SLC2A3: variants seen among roughly 807,000 people sequenced by gnomAD.
The protein encoded by SLC2A3 is solute carrier family 2 member 3.
A neutral mutation model predicts 46.4 loss-of-function variants in SLC2A3; 21 were observed. That is an observed-to-expected ratio of 0.45 (90% CI 0.32 to 0.65). SLC2A3 has a LOEUF of 0.65. Ranked by LOEUF, SLC2A3 falls within the 30% of genes least tolerant of loss-of-function variation. The probability of loss-of-function intolerance (pLI) is 0.04; values close to 1 mark genes in which losing one functional copy is unlikely to be tolerated. For synonymous variants in SLC2A3, 213 were observed against 239.4 expected, an observed-to-expected ratio of 0.89 and a Z score of 1.02; for missense variants, 499 against 623.3, an observed-to-expected ratio of 0.80 and a Z score of 2.12.
chr12:7,930,394 T>G (rs1261112278), intron 5 of SLC2A3, 86 bp downstream of exon 5: 1 of 1,323,746 alleles, frequency 7.6e-7, no homozygotes, highest in Non-Finnish European at 1.1e-6. Context: ...AGGGAAAGAG[T>G]GTAACAGAAA....
Position 7,920,110 on chromosome 12 carries a change from T to C in SLC2A3, c.*1303A>G, listed in dbSNP as rs879223939. 6.6e-6 allele frequency: 1 copy of C among 152,640 alleles called. No homozygotes were observed. Among genetic ancestry groups the C allele is most frequent in the South Asian group, 2.1e-4 (1 of 4,820 alleles). 9.5% of individuals were successfully genotyped at this position (152,640 alleles called of 1,614,324 possible). ...GCCTAAAGCAACAACACACTTTAGA[T>C]AATAATCGCTCAGAAAAAAATCCTC... On this transcript the variant is annotated 3_prime_UTR_variant, in exon 10 of 10. Transcript: ENST00000075120.
In SLC2A3 at chr12:7,922,931, T is replaced by A; in HGVS notation, c.1162A>T (p.Ile388Phe). 2 of 1,614,052 alleles carry A rather than the reference T, an allele frequency of 1.2e-6. No homozygotes were observed. Among genetic ancestry groups the A allele is most frequent in the Non-Finnish European group, 1.7e-6 (2 of 1,180,004 alleles). ...CCCTGGCTGAAGAGTTCGGCCACAA[T>A]AAACCAGGGAATGGGGCCTGGTCCA... is the stretch of plus-strand genomic sequence containing the variant. ...EIGPGPIPWF[I>F]VAELFSQGPR... Residue 388 changes from isoleucine to phenylalanine, a missense_variant, in exon 9 of 10, where the codon ATT becomes TTT. Physicochemically the swap from Ile to Phe is conservative, Grantham distance 21. Coordinates refer to ENST00000075120, the MANE Select transcript of SLC2A3 (RefSeq NM_006931.3).
intron 3 of SLC2A3, 41 bp downstream of exon 3, chr12:7,932,946 G>A (rs763395519): frequency 1.2e-6 from 2 of 1,610,364 alleles, no homozygotes; most frequent in Non-Finnish European, 1.7e-6. Context: ...CCTCAATGTG[G>A]CTGGTAGAGC....
intron 6 of SLC2A3, among the ~76,000 whole-genome samples, chr12:7,926,311 G>A (rs1355626032): frequency 6.6e-6 from 1 of 151,914 alleles, no homozygotes; most frequent in Non-Finnish European, 1.5e-5. Context: ...GGCTGGTCTC[G>A]TACTCCTGAC....
intron 6 of SLC2A3, 186 bp downstream of exon 6, chr12:7,929,496 ACT>A (rs1190468287): frequency 2.5e-6 from 2 of 799,336 alleles, no homozygotes. Context: ...ACACAGTCTC[ACT>A]CTGTCTCCCA....
At chr12:7,930,160 T>C (rs1565604212) in intron 5 of SLC2A3, 1 of 571,542 alleles carries the variant, frequency 1.7e-6, no homozygotes. Flanking sequence ...TAATTTTGTA[T>C]TTTTAGTAGA....
chr12:7,923,150 G>A (rs1317716068), intron 8 of SLC2A3, 126 bp from the exon 9 acceptor site: 7 of 907,302 alleles, frequency 7.7e-6, no homozygotes, highest in African/African-American at 6.8e-5. Context: ...TGGCTGTGGA[G>A]TCAAAAGGCT....
intron 3 of SLC2A3, 39 bp downstream of exon 3, chr12:7,932,948 T>G: frequency 6.2e-7 from 1 of 1,611,156 alleles, no homozygotes; most frequent in Non-Finnish European, 8.5e-7. Context: ...TCAATGTGGC[T>G]GGTAGAGCCC....
chr12:7,929,986 T>C (rs1181761579), intron 5 of SLC2A3, 115 bp from the exon 6 acceptor site: 18 of 1,500,924 alleles, frequency 1.2e-5, no homozygotes, highest in Non-Finnish European at 1.6e-5. Context: ...GTAGCATCCA[T>C]TCCTTTTTTT....
chr12:7,922,900 C>G lies in SLC2A3; in HGVS notation c.1193G>C (p.Arg398Pro), dbSNP rs778402745. 3.7e-6 allele frequency: 6 copies of G among 1,614,068 alleles called. No individual in the cohort carries two copies. The highest frequency in any genetic ancestry group is 5.1e-6 in the Non-Finnish European group (6 of 1,179,992). ...GCCGGCCACTGCCATCGCAGCTGGG[C>G]GGGGGCCCTGGCTGAAGAGTTCGGC... ...IVAELFSQGP[R>P]PAAMAVAGCS... Residue 398 changes from arginine to proline, a missense_variant, in exon 9 of 10, where the codon CGC (arginine) becomes CCC (proline). Physicochemically the swap from Arg to Pro is moderately radical, Grantham distance 103. Transcript: ENST00000075120.
Position 7,936,050 on chromosome 12 carries a change from C to G in SLC2A3, c.-16G>C. On this transcript the variant is annotated 5_prime_UTR_variant, in exon 1 of 10. Coordinates refer to ENST00000075120, the MANE Select transcript of SLC2A3 (RefSeq NM_006931.3). ...GTGTCCCCATCGCTGTAATCTAATT[C>G]AAGTCTTCAAGAAAGATCTAGGGGT... The G allele has an allele frequency of 1.9e-6, 3 of 1,602,696 alleles. No individual in the cohort carries two copies. The highest frequency in any genetic ancestry group is 2.6e-6 in the Non-Finnish European group (3 of 1,169,664).
Position 7,925,752 on chromosome 12 carries a change from A to G in SLC2A3, c.966+92T>C, listed in dbSNP as rs933993050. 9 of 991,462 alleles carry G rather than the reference A, an allele frequency of 9.1e-6. No homozygotes were observed. In the Admixed American group the frequency reaches 1.5e-4, roughly 16 times the overall value. The allele number at this position is 991,462 out of a possible 1,614,324, so 61.4% of individuals were successfully genotyped here. A position where few individuals can be genotyped will look rare whatever the true frequency, so the allele number is the denominator to read the frequency against. On this transcript the variant is annotated intron_variant, in intron 7 of 9. Transcript: ENST00000075120. Reference sequence around the variant, plus strand: ...AGGAAAATTAAGCAACAAAAAGGTAACTAAATGATGGTAGGGTCATGCAAT... The same window carrying G: ...AGGAAAATTAAGCAACAAAAAGGTAGCTAAATGATGGTAGGGTCATGCAAT...
chr12:7,921,771 G>C, intron 9 of SLC2A3, 140 bp from the exon 10 acceptor site: 1 of 964,056 alleles, frequency 1.0e-6, no homozygotes, highest in Non-Finnish European at 1.5e-6. Flanking sequence ...CTTCAGATTC[G>C]CTTATGATTC....
chr12:7,926,278 A>C (rs1364862465), intron 6 of SLC2A3, among the ~76,000 whole-genome samples: 2 of 152,008 alleles, frequency 1.3e-5, no homozygotes, highest in Non-Finnish European at 2.9e-5. Flanking sequence ...TTAAGTAGAG[A>C]TGGGTTTTCA....
At chr12:7,930,230 C>T in intron 5 of SLC2A3, 1 of 509,108 alleles carries the variant, frequency 2.0e-6, no homozygotes, top group Admixed American at 3.5e-5. Context: ...AGGTGACCCG[C>T]CTCGGCCTCT....
At chr12:7,931,626 T>C (rs911348602) in intron 3 of SLC2A3, 141 bp from the exon 4 acceptor site, 4 of 1,296,354 alleles carry the variant, frequency 3.1e-6, no homozygotes, top group Admixed American at 2.7e-5. Flanking sequence ...CACTTTCTAT[T>C]ATCAGAACAT....
rs1217142438 is a variant in SLC2A3 at position 7,921,455 on chromosome 12, C to A, written c.1449G>T (p.Met483Ile). Residue 483 changes from methionine (M) to isoleucine (I), a missense_variant, in exon 10 of 10, where the codon ATG (methionine) becomes ATT (isoleucine). Physicochemically the swap from Met to Ile is conservative, Grantham distance 10. Coordinates refer to ENST00000075120, the MANE Select transcript of SLC2A3 (RefSeq NM_006931.3). The part of the protein sequence containing the change: ...DRSGKDGVME[M>I]NSIEPAKETT... ...TCTCCTTAGCAGGCTCGATGCTGTT[C>A]ATCTCCATGACGCCGTCCTTTCCAG... 8.7e-6 allele frequency: 14 copies of A among 1,613,872 alleles called. No homozygotes were observed. The highest frequency in any genetic ancestry group is 1.3e-5 in the African/African-American group (1 of 74,910).
intron 3 of SLC2A3, 197 bp downstream of exon 3, chr12:7,932,790 C>T (rs1946170100): frequency 2.2e-5 from 15 of 677,116 alleles, no homozygotes; most frequent in Non-Finnish European, 3.4e-5. Context: ...TCTTGCACAG[C>T]TGGGTGGGAG....
intron 1 of SLC2A3, among the ~76,000 whole-genome samples, chr12:7,935,402 C>T (rs1353664066): frequency 2.0e-5 from 3 of 152,062 alleles, no homozygotes; most frequent in South Asian, 4.1e-4. Flanking sequence ...TGGTGAGCTG[C>T]GGTCGCTCCA....
Sources: allele counts gnomAD v4.1 joint callset (sites outside exome capture counted in the v4.1 genomes callset), GRCh38; gene constraint gnomAD v4.1.1; transcripts MANE v1.5; gene names NCBI Gene and HGNC (gene_info 2026-07-23, HGNC 2026-07-21).